Variants in SSR1 observed in about 807,000 individuals in gnomAD.
SSR1 encodes the protein translocon-associated protein subunit alpha.
A neutral mutation model predicts 36.1 loss-of-function variants in SSR1; 13 were observed. The observed-to-expected ratio is 0.36, with a 90% CI of 0.23 to 0.57. SSR1 has a LOEUF of 0.57. SSR1 is among the 20% of genes least tolerant of loss of function. The probability of loss-of-function intolerance (pLI) is 0.81; values close to 1 mark genes in which losing one functional copy is unlikely to be tolerated. For missense variants in SSR1, 291 were observed against 338.5 expected, an observed-to-expected ratio of 0.86 and a Z score of 1.10; for synonymous variants, 113 against 118.9, an observed-to-expected ratio of 0.95 and a Z score of 0.32.
rs564876101 is a variant in SSR1 at position 7,282,626 on chromosome 6, C to A, written c.*7238G>T. 99 of 152,326 alleles carry A rather than the reference C, an allele frequency of 6.5e-4. No individual in the cohort carries two copies. The highest frequency in any genetic ancestry group is 2.2e-3 in the African/African-American group (92 of 41,568). 9.4% of individuals were successfully genotyped at this position (152,326 alleles called of 1,614,324 possible). A position where few individuals can be genotyped will look rare whatever the true frequency, so the allele number is the denominator to read the frequency against. ...CTGGTGGTTCCTGAAATGAGTATTT[C>A]TAGGCAGGGGGCTTCAGTATAAACC... On this transcript the variant is annotated 3_prime_UTR_variant, in exon 8 of 8. Transcript: ENST00000244763.
At chr6:7,312,653 T>C (rs9502599) in intron 1 of SSR1, among the ~76,000 whole-genome samples, 48,354 of 151,990 alleles carry the variant, frequency 0.32, 8,355 homozygotes, top group African/African-American at 0.46. Flanking sequence ...GAGCCGGAGG[T>C]GGCCAAAAGA....
intron 7 of SSR1, among the ~76,000 whole-genome samples, chr6:7,292,799 A>G (rs924372245): frequency 3.0e-4 from 46 of 152,210 alleles, no homozygotes; most frequent in African/African-American, 1.0e-3. Context: ...CTTCTCACCC[A>G]ACCTTTCAAG....
chr6:7,299,379 G>A (rs1406371666), intron 4 of SSR1, among the ~76,000 whole-genome samples: 2 of 152,130 alleles, frequency 1.3e-5, no homozygotes, highest in African/African-American at 4.8e-5. Flanking sequence ...GAACTAGATC[G>A]GAACAAAAGT....
Position 7,313,133 on chromosome 6 carries a change from C to G in SSR1, c.-13G>C. 1 of 1,598,444 alleles carries G rather than the reference C, an allele frequency of 6.3e-7. No individual in the cohort carries two copies. The highest frequency in any genetic ancestry group is 8.5e-7 in the Non-Finnish European group (1 of 1,172,194). On this transcript the variant is annotated 5_prime_UTR_variant, in exon 1 of 8. Transcript: ENST00000244763. ...GGAGGAGTCTCATGGCGCTGCCGGTCCAGTGTCCAGTTTCCGTCGGCTAAG... is the reference window on the plus strand; with the variant it reads ...GGAGGAGTCTCATGGCGCTGCCGGTGCAGTGTCCAGTTTCCGTCGGCTAAG...
At chr6:7,295,330 C>G in intron 7 of SSR1, 62 bp downstream of exon 7, 1 of 1,330,644 alleles carries the variant, frequency 7.5e-7, no homozygotes, top group Non-Finnish European at 1.0e-6. Context: ...TAAACTAAAT[C>G]TAAGGTATTT....
At chr6:7,298,622 G>A in intron 5 of SSR1, 125 bp downstream of exon 5, 1 of 651,374 alleles carries the variant, frequency 1.5e-6, no homozygotes, top group South Asian at 2.2e-5. Context: ...AATATCGTAA[G>A]GATTTCACCA....
intron 7 of SSR1, among the ~76,000 whole-genome samples, chr6:7,292,075 A>G (rs1329810547): frequency 6.6e-6 from 1 of 152,094 alleles, no homozygotes; most frequent in Non-Finnish European, 1.5e-5. Context: ...TCTCAAAAGA[A>G]AAAAAAACAG....
At chr6:7,308,234 G>A (rs1442444960) in intron 2 of SSR1, among the ~76,000 whole-genome samples, 1 of 152,062 alleles carries the variant, frequency 6.6e-6, no homozygotes, top group Non-Finnish European at 1.5e-5. Context: ...CAAATTACTA[G>A]GGACATCCTA....
chr6:7,305,099 G>A (rs1758027115), intron 2 of SSR1, among the ~76,000 whole-genome samples: 1 of 152,124 alleles, frequency 6.6e-6, no homozygotes. Context: ...TAAATGACAG[G>A]GATAGACAGG....
intron 1 of SSR1, among the ~76,000 whole-genome samples, chr6:7,312,190 G>A (rs17604371): frequency 0.12 from 17,759 of 152,246 alleles, 1,373 homozygotes; most frequent in Non-Finnish European, 0.18. Context: ...TGTGCAGGAA[G>A]TCAAGTTGCC....
rs537613134 is a variant in SSR1, at chr6:7,282,249, T to C, written c.*7615A>G. On this transcript the variant is annotated 3_prime_UTR_variant, in exon 8 of 8. Coordinates refer to ENST00000244763, the MANE Select transcript of SSR1 (RefSeq NM_003144.5). ...GGAAGCCAAGAACATAGGAGATATT[T>C]TGACAAAACGGAAAAACAACAGAAC... 2.0e-5 allele frequency: 3 copies of C among 152,054 alleles called. No homozygotes were observed. The highest frequency in any genetic ancestry group is 6.6e-5 in the Admixed American group (1 of 15,264). 9.4% of individuals were successfully genotyped at this position (152,054 alleles called of 1,614,324 possible).
In SSR1 at chr6:7,281,936, C is replaced by T. The variant is rs1131013; in HGVS notation, c.*7928G>A. The T allele has an allele frequency of 0.12, 18,473 of 152,312 alleles. 1,461 individuals are homozygous for T. The highest frequency in any genetic ancestry group is 0.22 in the African/African-American group (9,301 of 41,484). The allele number at this position is 152,312 out of a possible 1,614,324, so 9.4% of individuals were successfully genotyped here. On this transcript the variant is annotated 3_prime_UTR_variant, in exon 8 of 8. Transcript: ENST00000244763. The stretch of plus-strand genomic sequence containing the variant: ...ACAGATGAAGCCATGAGAACTGGCA[C>T]GCTCTGGAAAGGCTGGTGCAGAGAG...
intron 2 of SSR1, among the ~76,000 whole-genome samples, chr6:7,308,750 A>C (rs1319165306): frequency 7.4e-6 from 1 of 135,296 alleles, no homozygotes; most frequent in African/African-American, 3.1e-5. Context: ...AACTGCCCCA[A>C]AAAAAAGTCT....
intron 7 of SSR1, among the ~76,000 whole-genome samples, chr6:7,290,471 C>G (rs1009693239): frequency 6.6e-6 from 1 of 152,150 alleles, no homozygotes; most frequent in African/African-American, 2.4e-5. Flanking sequence ...GTGGGTTTTT[C>G]TACTTCCATT....
chr6:7,312,960 C>G, intron 1 of SSR1, 82 bp downstream of exon 1: 1 of 1,380,008 alleles, frequency 7.2e-7, no homozygotes, highest in African/African-American at 1.4e-5. Context: ...GGACCCGGAG[C>G]GGCCACCGCC....
chr6:7,302,623 G>A (rs781433772), intron 3 of SSR1, among the ~76,000 whole-genome samples: 2 of 151,868 alleles, frequency 1.3e-5, no homozygotes, highest in African/African-American at 4.8e-5. Context: ...TTAGCTGGGC[G>A]TGATGGAGCG....
In SSR1 at chr6:7,285,545, GGT is replaced by G. The variant is rs765183974; in HGVS notation, c.*4317_*4318del. ...AAACAAAAACATTAGCCAGGCCTGT[GGT>G]GTGCGCCTGTGGTCCCAAATACTTG... On this transcript the variant is annotated 3_prime_UTR_variant, in exon 8 of 8. Coordinates refer to ENST00000244763, the MANE Select transcript of SSR1 (RefSeq NM_003144.5). The surrounding 1 kb of genome is among the most constrained non-coding windows in gnomAD (Gnocchi z 4.1). 1 of 152,166 alleles carries G rather than the reference GGT, an allele frequency of 6.6e-6. No individual in the cohort carries two copies. The highest frequency in any genetic ancestry group is 1.5e-5 in the Non-Finnish European group (1 of 68,084). 9.4% of individuals were successfully genotyped at this position (152,166 alleles called of 1,614,324 possible).
At chr6:7,295,099 T>C (rs1473481332) in intron 7 of SSR1, 23 of 1,523,026 alleles carry the variant, frequency 1.5e-5, no homozygotes, top group African/African-American at 2.8e-5. Flanking sequence ...TCTTCTACTC[T>C]GCACTGAAGC....
At chr6:7,308,816 C>T (rs1176068429) in intron 2 of SSR1, among the ~76,000 whole-genome samples, 2 of 152,086 alleles carry the variant, frequency 1.3e-5, no homozygotes, top group Non-Finnish European at 2.9e-5. Context: ...CAGTGCCTGG[C>T]ACATAAGGAT....
Sources: allele counts gnomAD v4.1 joint callset (sites outside exome capture counted in the v4.1 genomes callset), GRCh38; gene constraint gnomAD v4.1.1; non-coding constraint Gnocchi (gnomAD v3.1); transcripts MANE v1.5; gene names NCBI Gene and HGNC (gene_info 2026-07-23, HGNC 2026-07-21).